The following EYS variants were observed in gnomAD, a reference collection of about 807,000 sequenced individuals.
The protein encoded by EYS is EGF-like photoreceptor maintenance factor.
In EYS, 250 loss-of-function variants were observed where a neutral mutation model predicts 282.1. The ratio of observed to expected loss-of-function variants is 0.89; its 90% confidence interval spans 0.80 to 0.98. The LOEUF (loss-of-function observed/expected upper bound fraction) is 0.98. Ranked by LOEUF, EYS falls within the 50% of genes least tolerant of loss-of-function variation. The probability of loss-of-function intolerance (pLI) is 0.00; values close to 1 mark genes in which losing one functional copy is unlikely to be tolerated. For synonymous variants in EYS, 1,355 were observed against 1,282.9 expected (o/e 1.06, Z -1.20); for missense variants, 4,016 against 3,709.0 (o/e 1.08, Z -2.15).
intron 22 of EYS, among the ~76,000 whole-genome samples, chr6:64,675,494 C>A (rs1583027057): frequency 8.0e-6 from 1 of 124,366 alleles, no homozygotes; most frequent in African/African-American, 3.1e-5. Context: ...GTGGTGCAAT[C>A]TTGGCTCACT....
chr6:64,593,330 A>G (rs1766471671), intron 24 of EYS, 21 bp from the exon 25 acceptor site: 2 of 1,521,526 alleles, frequency 1.3e-6, no homozygotes, highest in Non-Finnish European at 1.8e-6. Context: ...CAATTACAGT[A>G]ATTAAATTAA....
intron 12 of EYS, among the ~76,000 whole-genome samples, chr6:65,222,379 A>C (rs1333214741): frequency 2.0e-5 from 3 of 152,160 alleles, no homozygotes; most frequent in African/African-American, 7.2e-5. Context: ...AAGTCTCATG[A>C]GAACTGATGG....
chr6:65,188,575 G>T (rs926452885), intron 12 of EYS, among the ~76,000 whole-genome samples: 1 of 151,416 alleles, frequency 6.6e-6, no homozygotes, highest in Non-Finnish European at 1.5e-5. Context: ...GCGCATGAAT[G>T]CACACAGCAA....
At chr6:64,214,512 G>A (rs1462752938) in intron 31 of EYS, among the ~76,000 whole-genome samples, 1 of 152,008 alleles carries the variant, frequency 6.6e-6, no homozygotes, top group Non-Finnish European at 1.5e-5. Flanking sequence ...TTCTTTTATA[G>A]CAGTAGGAAG....
intron 2 of EYS, among the ~76,000 whole-genome samples, chr6:65,517,645 ATAACT>A (rs949353442): frequency 1.1e-4 from 17 of 152,198 alleles, no homozygotes; most frequent in Admixed American, 5.9e-4. Flanking sequence ...TTAAAGTAAA[ATAACT>A]TAAATAAAAT....
intron 26 of EYS, among the ~76,000 whole-genome samples, chr6:64,528,311 G>A (rs1272310651): frequency 2.6e-5 from 4 of 151,590 alleles, no homozygotes; most frequent in East Asian, 3.9e-4. Context: ...TTTCACTTCC[G>A]CATCACTGCA....
intron 31 of EYS, among the ~76,000 whole-genome samples, chr6:64,193,271 A>G (rs1249669742): frequency 6.6e-6 from 1 of 152,086 alleles, no homozygotes; most frequent in Non-Finnish European, 1.5e-5. Flanking sequence ...CTATCTCTGC[A>G]TATTTAATTA....
chr6:64,634,498 T>C (rs1270779795), intron 22 of EYS, among the ~76,000 whole-genome samples: 3 of 150,664 alleles, frequency 2.0e-5, no homozygotes, highest in Non-Finnish European at 4.4e-5. Context: ...TCTGGGCTGA[T>C]TTATGAGTGG....
intron 7 of EYS, among the ~76,000 whole-genome samples, chr6:65,386,239 C>T (rs767886394): frequency 1.9e-4 from 29 of 151,282 alleles, no homozygotes; most frequent in Non-Finnish European, 3.7e-4. Flanking sequence ...GTAAGAGACC[C>T]CCCAAATACT....
chr6:64,959,812 G>C (rs536434365), intron 14 of EYS, among the ~76,000 whole-genome samples: 1 of 151,148 alleles, frequency 6.6e-6, no homozygotes, highest in South Asian at 2.1e-4. Context: ...GTTAATCCCT[G>C]AGTAACAAAA....
intron 12 of EYS, among the ~76,000 whole-genome samples, chr6:65,122,528 T>G (rs1561977454): frequency 1.3e-5 from 2 of 152,114 alleles, no homozygotes; most frequent in Non-Finnish European, 2.9e-5. Context: ...ACTATCTTAT[T>G]TTTTGAAATT....
intron 30 of EYS, among the ~76,000 whole-genome samples, chr6:64,274,481 G>GTTTTTTTTTTTTTTTTTTTTTTTTTTT (rs10640761): frequency 1.1e-5 from 1 of 92,230 alleles, no homozygotes; most frequent in African/African-American, 4.7e-5. Context: ...ACGCCTGGCC[G>GTTTTTTTTTTTTTTTTTTTTTTTTTTT]TTTTTTTTTT....
intron 14 of EYS, among the ~76,000 whole-genome samples, chr6:64,987,951 TA>T (rs1770917409): frequency 6.6e-6 from 1 of 151,526 alleles, no homozygotes; most frequent in Admixed American, 6.6e-5. Flanking sequence ...CTTATTGTAT[TA>T]AATATATTAT....
intron 30 of EYS, among the ~76,000 whole-genome samples, chr6:64,294,470 T>G (rs374693192): frequency 1.3e-5 from 2 of 152,322 alleles, no homozygotes; most frequent in African/African-American, 4.8e-5. Context: ...AGAACCTCAG[T>G]GATATAATTA....
At chr6:65,157,594 G>C (rs1202277847) in intron 12 of EYS, among the ~76,000 whole-genome samples, 2 of 150,608 alleles carry the variant, frequency 1.3e-5, no homozygotes, top group Admixed American at 1.3e-4. Context: ...TACTAGAAAA[G>C]TAGAATTTTT....
At chr6:64,687,713 A>G (rs1770209370) in intron 22 of EYS, among the ~76,000 whole-genome samples, 1 of 152,178 alleles carries the variant, frequency 6.6e-6, no homozygotes, top group Non-Finnish European at 1.5e-5. Context: ...ACGCTTTGTT[A>G]TCAGCATGAT....
chr6:63,946,202 G>A (rs1765392733), intron 35 of EYS, among the ~76,000 whole-genome samples: 1 of 152,132 alleles, frequency 6.6e-6, no homozygotes, highest in South Asian at 2.1e-4. Context: ...TGCTTGTATT[G>A]GGAAGGCATT....
chr6:64,763,877 C>G (rs1388629538), intron 22 of EYS, among the ~76,000 whole-genome samples: 1 of 152,198 alleles, frequency 6.6e-6, no homozygotes, highest in Non-Finnish European at 1.5e-5. Flanking sequence ...CCCAGTTGGG[C>G]AGTCATTAAA....
intron 14 of EYS, among the ~76,000 whole-genome samples, chr6:64,970,300 C>G (rs1000880275): frequency 2.0e-5 from 3 of 152,114 alleles, no homozygotes; most frequent in Non-Finnish European, 4.4e-5. Context: ...AAACACAGAT[C>G]ATACATAGTG....
Sources: allele counts gnomAD v4.1 joint callset (sites outside exome capture counted in the v4.1 genomes callset), GRCh38; gene constraint gnomAD v4.1.1; transcripts MANE v1.5; gene names NCBI Gene and HGNC (gene_info 2026-07-23, HGNC 2026-07-21).